The following RAPH1 variants were observed in gnomAD, a reference collection of about 807,000 sequenced individuals.
The protein encoded by RAPH1 is Ras association (RalGDS/AF-6) and pleckstrin homology domains 1, also known as ras-associated and pleckstrin homology domains-containing protein 1.
In RAPH1, 18 loss-of-function variants were observed where a neutral mutation model predicts 88.1. The ratio of observed to expected loss-of-function variants is 0.20; its 90% confidence interval spans 0.14 to 0.30. The LOEUF (loss-of-function observed/expected upper bound fraction) is 0.30. Ranked by LOEUF, RAPH1 falls within the 10% of genes least tolerant of loss-of-function variation. The probability of loss-of-function intolerance (pLI) is 1.00; values close to 1 mark genes in which losing one functional copy is unlikely to be tolerated. For synonymous variants in RAPH1, 587 were observed against 559.0 expected, an observed-to-expected ratio of 1.05 and a Z score of -0.71; for missense variants, 1,448 against 1,543.2, an observed-to-expected ratio of 0.94 and a Z score of 1.03.
intron 4 of RAPH1, among the ~76,000 whole-genome samples, chr2:203,476,716 G>C (rs1687472624): frequency 6.6e-6 from 1 of 152,164 alleles, no homozygotes; most frequent in Non-Finnish European, 1.5e-5. Flanking sequence ...TTTCAGTTAA[G>C]CATCAGTGCA....
Position 203,442,075 on chromosome 2 carries a change from G to C in RAPH1, c.1777-662C>G, listed in dbSNP as rs377498094. ...TAAAGGGGGGACATTCTTTACATTTGTTTTACTGGAAAATACATAAAGAAA... is the reference window on the plus strand; with the variant it reads ...TAAAGGGGGGACATTCTTTACATTTCTTTTACTGGAAAATACATAAAGAAA... On this transcript the variant is annotated intron_variant, in intron 13 of 13. Transcript: ENST00000319170. 5.2e-4 allele frequency: 824 copies of C among 1,595,538 alleles called. No homozygotes were observed. Among genetic ancestry groups the C allele is most frequent in the Non-Finnish European group, 6.8e-4 (799 of 1,173,332 alleles).
At chr2:203,475,687 TATAAC>T (rs1687387473) in intron 4 of RAPH1, among the ~76,000 whole-genome samples, 1 of 151,732 alleles carries the variant, frequency 6.6e-6, no homozygotes, top group South Asian at 2.1e-4. Flanking sequence ...TGCTATCACT[TATAAC>T]ATGTTTCAGT....
At chr2:203,441,961 G>A in intron 13 of RAPH1, 3 of 1,473,126 alleles carry the variant, frequency 2.0e-6, no homozygotes, top group Non-Finnish European at 1.8e-6. Context: ...GGCGTGCACA[G>A]TCACACAGGA....
In RAPH1 at chr2:203,448,955, T is replaced by C. The variant is rs2098512382; in HGVS notation, c.1414-119A>G. ...GGCCATTAGAGTAATGGCCAATACATTTATGCTTCTTATATGGCCATAAGG... is the reference window on the plus strand; with the variant it reads ...GGCCATTAGAGTAATGGCCAATACACTTATGCTTCTTATATGGCCATAAGG... On this transcript the variant is annotated intron_variant, in intron 10 of 13. Transcript: ENST00000319170. The surrounding 1 kb of genome is among the most constrained non-coding windows in gnomAD (Gnocchi z 4.1). The C allele has an allele frequency of 1.0e-5, 5 of 485,078 alleles. No homozygotes were observed. In the South Asian group the frequency reaches 2.2e-4, roughly 21 times the overall value. 30.0% of individuals were successfully genotyped at this position (485,078 alleles called of 1,614,324 possible).
At chr2:203,465,872 C>T (rs1039282427) in intron 4 of RAPH1, among the ~76,000 whole-genome samples, 4 of 151,292 alleles carry the variant, frequency 2.6e-5, no homozygotes, top group Admixed American at 6.6e-5. Context: ...AGCAAGACTT[C>T]GTCTCAAAAA....
At position 203,448,840 on chromosome 2, in the gene RAPH1, C is replaced by T; in HGVS notation, c.1414-4G>A. ...ATTTCTTCTGGATTTGTGGATGCTG[C>T]AAGATTAAAGACAAAATCCAACTAA... On this transcript the variant is annotated splice_polypyrimidine_tract_variant and splice_region_variant and intron_variant, in intron 10 of 13. Coordinates refer to ENST00000319170, the MANE Select transcript of RAPH1 (RefSeq NM_213589.3). The surrounding 1 kb of genome is among the most constrained non-coding windows in gnomAD (Gnocchi z 4.1). 6.3e-7 allele frequency: 1 copy of T among 1,596,834 alleles called. No homozygotes were observed. The highest frequency in any genetic ancestry group is 8.5e-7 in the Non-Finnish European group (1 of 1,170,332).
intron 1 of RAPH1, among the ~76,000 whole-genome samples, chr2:203,531,710 C>A (rs1205137945): frequency 6.6e-6 from 1 of 151,996 alleles, no homozygotes; most frequent in African/African-American, 2.4e-5. Context: ...TAGCTATTAT[C>A]AAAAACATAA....
rs188957227 is a variant in RAPH1 at position 203,495,155 on chromosome 2, C to A, written c.120+79G>T. 1.1e-5 allele frequency: 17 copies of A among 1,505,548 alleles called. No homozygotes were observed. In the East Asian group the frequency reaches 3.6e-4, roughly 32 times the overall value. 93.3% of individuals were successfully genotyped at this position (1,505,548 alleles called of 1,614,324 possible). A position where few individuals can be genotyped will look rare whatever the true frequency, so the allele number is the denominator to read the frequency against. The stretch of plus-strand genomic sequence containing the variant: ...CAATACTTTAAAATTTAACTTATAT[C>A]CATATCCTCTTCTGCACATTAAACT... On this transcript the variant is annotated intron_variant, in intron 2 of 13. Coordinates refer to ENST00000319170, the MANE Select transcript of RAPH1 (RefSeq NM_213589.3).
At chr2:203,483,395 G>T (rs1484870419) in intron 4 of RAPH1, among the ~76,000 whole-genome samples, 3 of 152,216 alleles carry the variant, frequency 2.0e-5, no homozygotes, top group East Asian at 3.8e-4. Flanking sequence ...CTGCTGGATT[G>T]AAAGGGAGGT....
chr2:203,442,225 G>C, intron 13 of RAPH1: 1 of 779,638 alleles, frequency 1.3e-6, no homozygotes, highest in Non-Finnish European at 1.9e-6. Flanking sequence ...GCTAGCATTT[G>C]CCAACAACCA....
At chr2:203,493,205 C>T (rs1429994699) in intron 2 of RAPH1, among the ~76,000 whole-genome samples, 4 of 152,142 alleles carry the variant, frequency 2.6e-5, no homozygotes, top group Non-Finnish European at 5.9e-5. Context: ...AAAGAACAGT[C>T]ACGTCATTAG....
Position 203,441,816 on chromosome 2 carries a change from A to G in RAPH1, c.1777-403T>C, listed in dbSNP as rs368043134. ...TTCCAAGGGGAGATGTGATGGCTCCAGTTTACCTTTCAGTCCATGACTGCA... is the reference window on the plus strand; with the variant it reads ...TTCCAAGGGGAGATGTGATGGCTCCGGTTTACCTTTCAGTCCATGACTGCA... On this transcript the variant is annotated intron_variant, in intron 13 of 13. Coordinates refer to ENST00000319170, the MANE Select transcript of RAPH1 (RefSeq NM_213589.3). 2.1e-5 allele frequency: 27 copies of G among 1,301,538 alleles called. No homozygotes were observed. The East Asian group carries it at 7.7e-4, about 37-fold the overall frequency. The allele number at this position is 1,301,538 out of a possible 1,614,324, so 80.6% of individuals were successfully genotyped here.
intron 10 of RAPH1, among the ~76,000 whole-genome samples, chr2:203,453,253 G>A (rs1193874305): frequency 6.6e-6 from 1 of 152,002 alleles, no homozygotes; most frequent in East Asian, 1.9e-4. Context: ...GTAATAAAAG[G>A]TTACCATTAT....
At chr2:203,441,640 T>C (rs890110634) in intron 13 of RAPH1, 3 of 1,335,850 alleles carry the variant, frequency 2.2e-6, no homozygotes, top group Non-Finnish European at 2.9e-6. Context: ...CACAGTAAAA[T>C]AGCTAGACCA....
chr2:203,466,227 T>G (rs1355826273), intron 4 of RAPH1, among the ~76,000 whole-genome samples: 1 of 152,218 alleles, frequency 6.6e-6, no homozygotes, highest in Non-Finnish European at 1.5e-5. Context: ...ATACCTCTTT[T>G]AGAGTCTGAG....
chr2:203,470,445 G>A (rs2098532035), intron 4 of RAPH1: 2 of 549,276 alleles, frequency 3.6e-6, no homozygotes, highest in Admixed American at 3.6e-5. Context: ...TTTTCCCTAA[G>A]TTGAGTGAAA....
intron 3 of RAPH1, 150 bp from the exon 4 acceptor site, chr2:203,490,239 A>G: frequency 2.6e-6 from 2 of 776,890 alleles, no homozygotes; most frequent in Non-Finnish European, 3.9e-6. Flanking sequence ...AAATTCCAAG[A>G]TAAATTTTTA....
intron 1 of RAPH1, among the ~76,000 whole-genome samples, chr2:203,526,979 T>C (rs1690151237): frequency 6.6e-6 from 1 of 151,986 alleles, no homozygotes; most frequent in African/African-American, 2.4e-5. Flanking sequence ...AGACAGGGTT[T>C]TGCCACATTG....
At chr2:203,499,205 A>T (rs906788155) in intron 1 of RAPH1, among the ~76,000 whole-genome samples, 9 of 152,218 alleles carry the variant, frequency 5.9e-5, no homozygotes, top group African/African-American at 1.9e-4. Flanking sequence ...AGGCTATTTT[A>T]AAAATCCCTT....
Sources: gnomAD v4.1 joint callset for allele counts (sites outside exome capture counted in the v4.1 genomes callset) on GRCh38, gnomAD v4.1.1 for gene constraint, Gnocchi (gnomAD v3.1) non-coding constraint, MANE v1.5 for transcripts, NCBI Gene and HGNC (gene_info 2026-07-23, HGNC 2026-07-21) for gene names.